XG: variants seen among roughly 807,000 people sequenced by gnomAD.
The protein encoded by XG is Xg glycoprotein (Xg blood group).
In XG, 24 loss-of-function variants were observed where a neutral mutation model predicts 25.7. That is an observed-to-expected ratio of 0.93 (90% confidence interval 0.68 to 1.31). The LOEUF is 1.31. Ranked by LOEUF, XG falls within the 40% of genes most tolerant of loss-of-function variation. The pLI is 0.00. For missense variants in XG, 181 were observed against 187.6 expected (o/e 0.96, Z 0.21); for synonymous variants, 77 against 69.2 (o/e 1.11, Z -0.56).
chrX:2,801,739 C>A (rs311192), intron 7 of XG, among the ~76,000 whole-genome samples: 3 of 109,035 alleles, frequency 2.8e-5, no homozygotes, highest in African/African-American at 1.0e-4. Flanking sequence ...GACGGAGTCT[C>A]GCTCTGTCGC....
At chrX:2,785,502 GATCT>G (rs2086775308) in intron 4 of XG, among the ~76,000 whole-genome samples, 1 of 111,390 alleles carries the variant, frequency 9.0e-6, no homozygotes, top group Non-Finnish European at 1.9e-5. Context: ...ATGGGAGGCA[GATCT>G]GACTAACTTT....
At chrX:2,770,145 T>A (rs1406399973) in intron 1 of XG, among the ~76,000 whole-genome samples, 1 of 152,070 alleles carries the variant, frequency 6.6e-6, no homozygotes, top group African/African-American at 2.4e-5. Flanking sequence ...TGAGCAGGAA[T>A]GAAGCTCTGA....
intron 3 of XG, among the ~76,000 whole-genome samples, chrX:2,781,275 C>T (rs2051114446): frequency 6.6e-6 from 1 of 151,180 alleles, no homozygotes. Flanking sequence ...ACAAGTTTTA[C>T]TGGGGGTCTG....
At chrX:2,768,825 T>G (rs2630498) in intron 1 of XG, among the ~76,000 whole-genome samples, 71,054 of 152,008 alleles carry the variant, frequency 0.47, 16,795 homozygotes, top group South Asian at 0.65. Flanking sequence ...GAGAGCTGGA[T>G]GGAGCAAAGA....
At chrX:2,767,485 T>G (rs756798560) in intron 1 of XG, among the ~76,000 whole-genome samples, 49 of 152,256 alleles carry the variant, frequency 3.2e-4, no homozygotes, top group African/African-American at 1.1e-3. Context: ...AGCCGCTCAG[T>G]TCACTAACTA....
intron 2 of XG, among the ~76,000 whole-genome samples, chrX:2,774,514 A>C (rs935535883): frequency 2.0e-5 from 3 of 151,960 alleles, no homozygotes; most frequent in African/African-American, 7.3e-5. Flanking sequence ...CACAGCCTCA[A>C]GGGTGGATTG....
At chrX:2,791,584 G>T (rs1175686489) in intron 5 of XG, among the ~76,000 whole-genome samples, 1 of 109,496 alleles carries the variant, frequency 9.1e-6, no homozygotes, top group Non-Finnish European at 1.9e-5. Context: ...TCCTCCCTCT[G>T]CATTCCCGTA....
intron 10 of XG, among the ~76,000 whole-genome samples, chrX:2,812,837 TGATTTGTA>T (rs1201946813): frequency 8.9e-6 from 1 of 111,985 alleles, no homozygotes; most frequent in African/African-American, 3.2e-5. Flanking sequence ...TTTGTGGCAG[TGATTTGTA>T]AGCCTTTGTT....
chrX:2,757,537 A>T (rs763233805), intron 1 of XG, among the ~76,000 whole-genome samples: 1 of 152,174 alleles, frequency 6.6e-6, no homozygotes, highest in Admixed American at 6.6e-5. Context: ...AAGATCACTC[A>T]GAGCTCTGAA....
chrX:2,808,177 G>A lies in XG; in HGVS notation c.419-8G>A, dbSNP rs965809053. Reference sequence around the variant, plus strand: ...TGAATAAACACGAACATCCTTTTCCGCTTACAGGTGGAGATCACCATTCAA... The same window carrying A: ...TGAATAAACACGAACATCCTTTTCCACTTACAGGTGGAGATCACCATTCAA... On this transcript the variant is annotated splice_region_variant and splice_polypyrimidine_tract_variant and intron_variant, in intron 8 of 10. Coordinates refer to ENST00000644266, the MANE Select transcript of XG (RefSeq NM_001141919.2). 1 of 1,208,541 alleles carries A rather than the reference G, an allele frequency of 8.3e-7. No homozygotes were observed.
At chrX:2,756,096 A>G (rs1386511479) in intron 1 of XG, among the ~76,000 whole-genome samples, 4 of 152,232 alleles carry the variant, frequency 2.6e-5, no homozygotes, top group Non-Finnish European at 5.9e-5. Flanking sequence ...AATCATTATG[A>G]TGATTACTAA....
At chrX:2,764,884 C>T (rs779016671) in intron 1 of XG, among the ~76,000 whole-genome samples, 2 of 147,096 alleles carry the variant, frequency 1.4e-5, no homozygotes, top group African/African-American at 5.0e-5. Context: ...TTACTAAAAA[C>T]ACAAAAATTA....
At chrX:2,812,202 T>G (rs2087064742) in intron 10 of XG, among the ~76,000 whole-genome samples, 1 of 111,415 alleles carries the variant, frequency 9.0e-6, no homozygotes, top group African/African-American at 3.3e-5. Context: ...CACTGAATTA[T>G]AAGCCTCTCT....
intron 1 of XG, among the ~76,000 whole-genome samples, chrX:2,761,121 G>T (rs2050556647): frequency 6.6e-6 from 1 of 152,064 alleles, no homozygotes; most frequent in Non-Finnish European, 1.5e-5. Context: ...TATATTGAAG[G>T]CCTAATCCCT....
intron 1 of XG, among the ~76,000 whole-genome samples, chrX:2,768,340 C>T (rs1306410648): frequency 1.3e-5 from 2 of 152,196 alleles, no homozygotes; most frequent in East Asian, 3.8e-4. Context: ...GGACGCTTAA[C>T]TTTGGCGTCC....
chrX:2,780,424 C>CA (rs2051093834), intron 3 of XG, among the ~76,000 whole-genome samples: 2 of 67,146 alleles, frequency 3.0e-5, no homozygotes, highest in African/African-American at 5.1e-5. Context: ...TTTTTTTTTT[C>CA]TAAAAAAAAA....
chrX:2,811,558 A>G, intron 10 of XG, 106 bp downstream of exon 10: 1 of 535,454 alleles, frequency 1.9e-6, no homozygotes, highest in Middle Eastern at 3.5e-4. Context: ...GGTTAAGTTC[A>G]ATATACATAA....
chrX:2,802,078 T>C (rs1469781993), intron 7 of XG, among the ~76,000 whole-genome samples: 2 of 111,901 alleles, frequency 1.8e-5, no homozygotes, highest in African/African-American at 6.5e-5. Context: ...AAGAAAAGCC[T>C]TACCAAGGAC....
At chrX:2,795,689 C>T (rs1039305355) in intron 6 of XG, among the ~76,000 whole-genome samples, 4 of 110,033 alleles carry the variant, frequency 3.6e-5, no homozygotes, top group Non-Finnish European at 7.6e-5. Flanking sequence ...GACGGAGTCT[C>T]GCTCTGTCGC....
Sources: allele counts gnomAD v4.1 joint callset (sites outside exome capture counted in the v4.1 genomes callset), GRCh38; gene constraint gnomAD v4.1.1; transcripts MANE v1.5; gene names NCBI Gene and HGNC (gene_info 2026-07-23, HGNC 2026-07-21).